ETNK2: variants seen among roughly 807,000 people sequenced by gnomAD.
ETNK2 encodes ethanolamine kinase-like protein.
ETNK2 carries 33 observed loss-of-function variants against 46.2 expected under a neutral mutation model. The ratio of observed to expected loss-of-function variants is 0.71; its 90% CI spans 0.54 to 0.96. The LOEUF is 0.96. ETNK2 is among the 40% of genes least tolerant of loss of function. The pLI is 0.00. For synonymous variants in ETNK2, 194 were observed against 209.0 expected (o/e 0.93, Z 0.62); for missense variants, 445 against 509.7 (o/e 0.87, Z 1.22).
At chr1:204,150,779 C>T (rs1357733383) in intron 1 of ETNK2, among the ~76,000 whole-genome samples, 2 of 152,172 alleles carry the variant, frequency 1.3e-5, no homozygotes, top group Non-Finnish European at 2.9e-5. Flanking sequence ...TACTCCATCC[C>T]CAGGGCGGGT....
chr1:204,151,880 G>C lies in ETNK2; in HGVS notation c.-28C>G, dbSNP rs1226152170. On this transcript the variant is annotated 5_prime_UTR_variant, in exon 1 of 8. Transcript: ENST00000367202. The surrounding 1 kb of genome is among the most constrained non-coding windows in gnomAD (Gnocchi z 8.0). ...CCAGCAGCCCCACCCCCTCGGAGCC[G>C]CGGCAGACGCTAGCCCCGGCGGGGG... The C allele has an allele frequency of 2.8e-6, 4 of 1,416,846 alleles. No individual in the cohort carries two copies. The highest frequency in any genetic ancestry group is 3.7e-6 in the Non-Finnish European group (4 of 1,091,734). The allele number at this position is 1,416,846 out of a possible 1,614,324, so 87.8% of individuals were successfully genotyped here. A position where few individuals can be genotyped will look rare whatever the true frequency, so the allele number is the denominator to read the frequency against.
At chr1:204,145,747 C>G (rs1333219221) in intron 3 of ETNK2, among the ~76,000 whole-genome samples, 1 of 152,216 alleles carries the variant, frequency 6.6e-6, no homozygotes, top group African/African-American at 2.4e-5. Context: ...CAAACCTCTT[C>G]TGCACCCTAC....
chr1:204,137,128 G>T lies in ETNK2; in HGVS notation c.990C>A (p.Tyr330Ter). ...CCAGGGCAAACTTGTTGACTTGCACGTAGAGCCTTTGCACCTCCCTGGGGG... is the reference window on the plus strand; with the variant it reads ...CCAGGGCAAACTTGTTGACTTGCACTTAGAGCCTTTGCACCTCCCTGGGGG... ...AVTPREVQRLYVQVNKFALAS... is the reference protein window; with the variant it reads ...AVTPREVQRL The change falls in exon 6 of 8, where the codon TAC becomes TAA. Residue 330 changes from tyrosine to a stop codon, truncating the protein, a stop_gained. Coordinates refer to ENST00000367202, the MANE Select transcript of ETNK2 (RefSeq NM_018208.4). LOFTEE classifies it high-confidence loss of function. 6.2e-7 allele frequency: 1 copy of T among 1,613,838 alleles called. No individual in the cohort carries two copies. Among genetic ancestry groups the T allele is most frequent in the Non-Finnish European group, 8.5e-7 (1 of 1,179,784 alleles).
intron 7 of ETNK2, among the ~76,000 whole-genome samples, chr1:204,133,632 C>A (rs1301644997): frequency 1.3e-5 from 2 of 151,430 alleles, no homozygotes; most frequent in East Asian, 2.0e-4. Flanking sequence ...CCCGGGTTCA[C>A]GCCATTCTCC....
chr1:204,143,494 C>T (rs530940373), intron 3 of ETNK2, among the ~76,000 whole-genome samples: 13 of 152,240 alleles, frequency 8.5e-5, no homozygotes, highest in African/African-American at 1.2e-4. Context: ...AGCTTTGCTA[C>T]CTTCAGTCCC....
At chr1:204,141,777 G>A in intron 3 of ETNK2, 2 of 319,828 alleles carry the variant, frequency 6.3e-6, no homozygotes, top group Admixed American at 4.5e-5. Context: ...GGAGACACAG[G>A]GAAAGGACAA....
chr1:204,144,545 T>G (rs1571627259), intron 3 of ETNK2, among the ~76,000 whole-genome samples: 1 of 152,044 alleles, frequency 6.6e-6, no homozygotes, highest in Non-Finnish European at 1.5e-5. Flanking sequence ...AATCTGTCCC[T>G]TATGATGCTA....
At chr1:204,133,534 A>ATTTTTT (rs1277693481) in intron 7 of ETNK2, among the ~76,000 whole-genome samples, 1 of 131,080 alleles carries the variant, frequency 7.6e-6, no homozygotes, top group African/African-American at 2.9e-5. Context: ...ATTTTATTTT[A>ATTTTTT]TTTTTTTTTT....
At chr1:204,133,811 G>A (rs1057247652) in intron 7 of ETNK2, among the ~76,000 whole-genome samples, 1 of 152,182 alleles carries the variant, frequency 6.6e-6, no homozygotes, top group African/African-American at 2.4e-5. Flanking sequence ...GATTACAGGC[G>A]TGAGCCACCG....
chr1:204,136,187 G>A (rs1461266073), intron 6 of ETNK2, among the ~76,000 whole-genome samples: 1 of 152,062 alleles, frequency 6.6e-6, no homozygotes, highest in East Asian at 1.9e-4. Flanking sequence ...TTTGAGGCCA[G>A]GAGTTAGAGA....
chr1:204,148,569 GACACACACAC>G (rs61199759), intron 2 of ETNK2, among the ~76,000 whole-genome samples: 8,681 of 145,066 alleles, frequency 0.06, 292 homozygotes, highest in South Asian at 0.12. Flanking sequence ...ACACCCTCAA[GACACACACAC>G]ACACACACAC....
Position 204,140,972 on chromosome 1 carries a change from C to T in ETNK2, c.784+343G>A, listed in dbSNP as rs1051525367. ...CGAGGAGCTAGGACTATAGCATGTA[C>T]CACCATACCAGGAAAAGTTTTGTGT... On this transcript the variant is annotated intron_variant, in intron 4 of 7. Coordinates refer to ENST00000367202, the MANE Select transcript of ETNK2 (RefSeq NM_018208.4). 2.9e-4 allele frequency: 107 copies of T among 370,496 alleles called. 1 individual carries two copies. Among genetic ancestry groups the T allele is most frequent in the Non-Finnish European group, 7.9e-5 (15 of 191,048 alleles). 23.0% of individuals were successfully genotyped at this position (370,496 alleles called of 1,614,324 possible). A position where few individuals can be genotyped will look rare whatever the true frequency, so the allele number is the denominator to read the frequency against.
Position 204,149,711 on chromosome 1 carries a change from C to T in ETNK2, c.510G>A (p.Arg170=). The change falls in exon 2 of 8, where the codon CGG becomes CGA. Residue 170 remains arginine (R), a synonymous_variant. Coordinates refer to ENST00000367202, the MANE Select transcript of ETNK2 (RefSeq NM_018208.4). ...ALEPEHIREP[R]LFRLIALEMA... is the part of the protein sequence containing the mutation. ...CCTGGCACCCTCCTCACCTGAAAAGCCGGGGCTCACGGATGTGCTCAGGCT... is the reference window on the plus strand; with the variant it reads ...CCTGGCACCCTCCTCACCTGAAAAGTCGGGGCTCACGGATGTGCTCAGGCT... The T allele has an allele frequency of 6.3e-7, 1 of 1,586,812 alleles. No homozygotes were observed. Among genetic ancestry groups the T allele is most frequent in the African/African-American group, 1.3e-5 (1 of 74,480 alleles).
In ETNK2 at chr1:204,144,287, G is replaced by A. The variant is rs574738620; in HGVS notation, c.641+2355C>T. On this transcript the variant is annotated intron_variant, in intron 3 of 7. Transcript: ENST00000367202. The stretch of plus-strand genomic sequence containing the variant: ...CTTGAACCTGGGAAGCAGAGGTTGC[G>A]GTGAGCTGAGATCATGCCACTGGAC... Among the ~76,000 whole-genome samples the A allele has an allele frequency of 2.2e-3, 314 of 142,758 alleles. 2 individuals carry two copies. The highest frequency in any genetic ancestry group is 4.3e-3 in the South Asian group (19 of 4,450). The allele number at this position is 142,758 out of a possible 152,430, so 93.7% of individuals were successfully genotyped here.
rs755219297 is a variant in ETNK2, at chr1:204,134,518, A to T, written c.1085T>A (p.Leu362His). The T allele has an allele frequency of 1.2e-5, 19 of 1,613,896 alleles. No individual in the cohort carries two copies. Among genetic ancestry groups the T allele is most frequent in the Non-Finnish European group, 1.6e-5 (19 of 1,179,852 alleles). Residue 362 changes from leucine to histidine, a missense_variant, in exon 7 of 8, where the codon CTC becomes CAC. By Grantham distance (99) the Leu-to-His change is moderately conservative (BLOSUM62 -3). Transcript: ENST00000367202. ...CCACCATCACCCCCACACTCACCTG[A>T]GGAAATCAAAGTCGATGGTGGAGTA... ...NQYSTIDFDF[L>H]RYAVIRFNQY...
At position 204,146,039 on chromosome 1, in the gene ETNK2, G is replaced by A. The variant is rs1007398273; in HGVS notation, c.641+603C>T. On this transcript the variant is annotated intron_variant, in intron 3 of 7. Transcript: ENST00000367202. The stretch of plus-strand genomic sequence containing the variant: ...ATGGGTGGTCTATCTCCTTTCCTGG[G>A]AAGAGCAGTGAAGGAAGCAGCAAGC... Among the ~76,000 whole-genome samples the A allele has an allele frequency of 5.9e-5, 9 of 152,276 alleles. No individual in the cohort carries two copies. The East Asian group carries it at 7.7e-4, about 13-fold the overall frequency.
chr1:204,134,768 T>G, intron 6 of ETNK2, 180 bp from the exon 7 acceptor site: 1 of 1,410,740 alleles, frequency 7.1e-7, no homozygotes, highest in South Asian at 1.3e-5. Flanking sequence ...GCACAGCATT[T>G]GGCGCCTCCA....
intron 3 of ETNK2, among the ~76,000 whole-genome samples, chr1:204,145,994 CAGGGAA>C (rs1027612842): frequency 5.9e-5 from 9 of 152,118 alleles, no homozygotes; most frequent in African/African-American, 2.2e-4. Context: ...CCTGTCTTAT[CAGGGAA>C]AGGCAATGTC....
rs1346940734 is a variant in ETNK2, at chr1:204,141,738, C to T, written c.642-281G>A. 1.9e-5 allele frequency: 8 copies of T among 428,180 alleles called. No individual in the cohort carries two copies. The East Asian group carries it at 3.5e-4, about 19-fold the overall frequency. 26.5% of individuals were successfully genotyped at this position (428,180 alleles called of 1,614,324 possible). Reference sequence around the variant, plus strand: ...TCACTGACTGAGGGCATCCCTGCTACTTTGTGAAAGGAACAGGAGGGTAAG... The same window carrying T: ...TCACTGACTGAGGGCATCCCTGCTATTTTGTGAAAGGAACAGGAGGGTAAG... On this transcript the variant is annotated intron_variant, in intron 3 of 7. Transcript: ENST00000367202.
Sources: gnomAD v4.1 joint callset for allele counts (sites outside exome capture counted in the v4.1 genomes callset) on GRCh38, gnomAD v4.1.1 for gene constraint, Gnocchi (gnomAD v3.1) non-coding constraint, MANE v1.5 for transcripts, NCBI Gene and HGNC (gene_info 2026-07-23, HGNC 2026-07-21) for gene names.